Variants in VPS53 observed in about 807,000 individuals in gnomAD.
VPS53 encodes the protein vacuolar protein sorting-associated protein 53 homolog.
A neutral mutation model predicts 107.0 loss-of-function variants in VPS53; 70 were observed. The ratio of observed to expected loss-of-function variants is 0.65; its 90% CI spans 0.54 to 0.80. VPS53 has a LOEUF of 0.80. Among genes scored for constraint, VPS53 ranks in the 30% least tolerant of loss-of-function variants. VPS53 has a pLI of 0.00. For missense variants in VPS53, 917 were observed against 1,049.4 expected (o/e 0.87, Z 1.74); for synonymous variants, 409 against 393.3 (o/e 1.04, Z -0.47).
At chr17:639,543 G>C (rs1970338754) in intron 7 of VPS53, among the ~76,000 whole-genome samples, 2 of 152,152 alleles carry the variant, frequency 1.3e-5, no homozygotes, top group Non-Finnish European at 2.9e-5. Flanking sequence ...CATCTTTGGG[G>C]TTTTATCTAC....
At position 596,022 on chromosome 17, in the gene VPS53, G is replaced by T. The variant is rs544710053; in HGVS notation, c.1218+5773C>A. ...GTCTGGATCAATTTCCTGGTTTGATGATGGACTCTACTATGTTAGCTGTCC... is the reference window on the plus strand; with the variant it reads ...GTCTGGATCAATTTCCTGGTTTGATTATGGACTCTACTATGTTAGCTGTCC... On this transcript the variant is annotated intron_variant, in intron 12 of 21. Coordinates refer to ENST00000437048, the MANE Select transcript of VPS53 (RefSeq NM_001128159.3). 2.0e-5 allele frequency among the ~76,000 whole-genome samples: 3 copies of T among 152,318 alleles called. No homozygotes were observed. The South Asian group carries it at 6.2e-4, about 32-fold the overall frequency.
chr17:558,415 C>T (rs949435231), intron 15 of VPS53, among the ~76,000 whole-genome samples: 8 of 152,190 alleles, frequency 5.3e-5, no homozygotes, highest in South Asian at 4.1e-4. Flanking sequence ...GGGCAGATCA[C>T]AAGATCAGGA....
chr17:525,063 A>C (rs1909029900), intron 19 of VPS53, among the ~76,000 whole-genome samples: 1 of 152,264 alleles, frequency 6.6e-6, no homozygotes, highest in Non-Finnish European at 1.5e-5. Flanking sequence ...AACAAATGAC[A>C]GCACATTCGT....
intron 4 of VPS53, among the ~76,000 whole-genome samples, chr17:678,320 G>T (rs1453062868): frequency 2.0e-5 from 3 of 151,862 alleles, no homozygotes; most frequent in African/African-American, 7.2e-5. Context: ...TTCTTGGGAG[G>T]CTGAGGCAGG....
At position 510,586 on chromosome 17, in the gene VPS53, C is replaced by T. The variant is rs975390826; in HGVS notation, c.*8542G>A. ...CCTGTCACTTACCCTCTTTGAGCCT[C>T]CAAGTCCCGTCCACTAAACGGAGCT... is the stretch of plus-strand genomic sequence containing the variant. On this transcript the variant is annotated 3_prime_UTR_variant, in exon 22 of 22. Transcript: ENST00000437048. The T allele has an allele frequency of 6.5e-6, 1 of 154,500 alleles. No homozygotes were observed. The highest frequency in any genetic ancestry group is 6.5e-5 in the Admixed American group (1 of 15,304). 9.6% of individuals were successfully genotyped at this position (154,500 alleles called of 1,614,324 possible).
At chr17:638,559 G>T (rs1970292030) in intron 7 of VPS53, among the ~76,000 whole-genome samples, 1 of 152,186 alleles carries the variant, frequency 6.6e-6, no homozygotes, top group Non-Finnish European at 1.5e-5. Context: ...AGTACCGGTT[G>T]TTCCTTTCCA....
intron 11 of VPS53, among the ~76,000 whole-genome samples, chr17:613,086 T>A (rs1968969498): frequency 6.7e-6 from 1 of 149,438 alleles, no homozygotes; most frequent in African/African-American, 2.5e-5. Flanking sequence ...ACATAGTGAG[T>A]TCACACAGTG....
At chr17:710,899 C>G (rs1027461829) in intron 1 of VPS53, among the ~76,000 whole-genome samples, 1 of 149,738 alleles carries the variant, frequency 6.7e-6, no homozygotes, top group Non-Finnish European at 1.5e-5. Context: ...GAGCCGAGAT[C>G]ACACCACTAC....
At position 679,132 on chromosome 17, in the gene VPS53, C is replaced by CA. The variant is rs746299925; in HGVS notation, c.286-17238dup. 1.3e-3 allele frequency among the ~76,000 whole-genome samples: 205 copies of CA among 152,016 alleles called. 2 individuals carry two copies. The highest frequency in any genetic ancestry group is 1.7e-3 in the Non-Finnish European group (117 of 68,012). Reference sequence around the variant, plus strand: ...AAAGAGGAGAACTGACAAATATATCCAAGTGCAAGTCCTCTGAGAAGGCCT... The same window carrying CA: ...AAAGAGGAGAACTGACAAATATATCCAAAGTGCAAGTCCTCTGAGAAGGCCT... On this transcript the variant is annotated intron_variant, in intron 4 of 21. Transcript: ENST00000437048.
chr17:626,619 A>G (rs1969720570), intron 10 of VPS53, among the ~76,000 whole-genome samples: 1 of 152,118 alleles, frequency 6.6e-6, no homozygotes, highest in Non-Finnish European at 1.5e-5. Flanking sequence ...GGTGGCAGTG[A>G]GCTGGGATTG....
intron 11 of VPS53, among the ~76,000 whole-genome samples, chr17:614,042 C>T (rs1390558690): frequency 4.6e-5 from 7 of 152,258 alleles, no homozygotes; most frequent in African/African-American, 1.4e-4. Context: ...TCGTAGCATC[C>T]GTTTATGTGA....
intron 6 of VPS53, among the ~76,000 whole-genome samples, chr17:655,315 T>TTGAA (rs1971143105): frequency 1.3e-5 from 2 of 151,628 alleles, no homozygotes; most frequent in East Asian, 3.9e-4. Context: ...ATCTACTTTA[T>TTGAA]AAAAAAAAGT....
rs1447788358 is a variant in VPS53, at chr17:519,758, A to G, written c.2328+68T>C. 2.5e-6 allele frequency: 3 copies of G among 1,206,226 alleles called. No homozygotes were observed. The highest frequency in any genetic ancestry group is 2.4e-6 in the Non-Finnish European group (2 of 836,744). The allele number at this position is 1,206,226 out of a possible 1,614,324, so 74.7% of individuals were successfully genotyped here. On this transcript the variant is annotated intron_variant, in intron 21 of 21. Coordinates refer to ENST00000437048, the MANE Select transcript of VPS53 (RefSeq NM_001128159.3). The surrounding 1 kb of genome is among the most constrained non-coding windows in gnomAD (Gnocchi z 5.0). ...AAGCCCCCCCGGAACTTATATCCCA[A>G]TTCCCGGTTAAGAACCGCTGAGTGT...
chr17:656,109 A>G (rs935922480), intron 5 of VPS53, among the ~76,000 whole-genome samples, 156 bp from the exon 6 acceptor site: 1 of 152,186 alleles, frequency 6.6e-6, no homozygotes, highest in African/African-American at 2.4e-5. Context: ...ATAATTTCCA[A>G]CCAGGCATTT....
chr17:561,522 C>A (rs778156665), intron 14 of VPS53, among the ~76,000 whole-genome samples: 5 of 152,182 alleles, frequency 3.3e-5, no homozygotes, highest in African/African-American at 4.8e-5. Flanking sequence ...GTGACACAAA[C>A]AAACAAAAGC....
chr17:681,354 C>G (rs1597481184), intron 4 of VPS53, among the ~76,000 whole-genome samples: 3 of 152,208 alleles, frequency 2.0e-5, no homozygotes, highest in African/African-American at 2.4e-5. Flanking sequence ...TCAGGGTGGT[C>G]TCGAACTCCT....
chr17:643,496 A>AACTG (rs1567701713), intron 7 of VPS53, among the ~76,000 whole-genome samples: 2 of 122,662 alleles, frequency 1.6e-5, no homozygotes, highest in African/African-American at 3.0e-5. Flanking sequence ...CTTGGAAATC[A>AACTG]AGGACAACAC....
At chr17:529,573 A>T (rs1263302947) in intron 19 of VPS53, among the ~76,000 whole-genome samples, 1 of 152,196 alleles carries the variant, frequency 6.6e-6, no homozygotes, top group Non-Finnish European at 1.5e-5. Flanking sequence ...GCAGGCTCAG[A>T]AAGACTCCAT....
At chr17:577,871 A>G (rs1282951469) in intron 13 of VPS53, among the ~76,000 whole-genome samples, 1 of 151,486 alleles carries the variant, frequency 6.6e-6, no homozygotes, top group Non-Finnish European at 1.5e-5. Flanking sequence ...AACCACCCTC[A>G]GGACCTAATG....
Sources: gnomAD v4.1 joint callset for allele counts (sites outside exome capture counted in the v4.1 genomes callset) on GRCh38, gnomAD v4.1.1 for gene constraint, Gnocchi (gnomAD v3.1) non-coding constraint, MANE v1.5 for transcripts, NCBI Gene and HGNC (gene_info 2026-07-23, HGNC 2026-07-21) for gene names.